Variants in MSH3 observed in about 807,000 individuals in gnomAD.
The protein encoded by MSH3 is DNA mismatch repair protein Msh3.
In MSH3, 106 loss-of-function variants were observed where a neutral mutation model predicts 123.3. That is an observed-to-expected ratio of 0.86 (90% CI 0.73 to 1.01). The LOEUF (loss-of-function observed/expected upper bound fraction) is 1.01. Among genes scored for constraint, MSH3 ranks in the 50% least tolerant of loss-of-function variants. MSH3 has a pLI of 0.00. For synonymous variants in MSH3, 515 were observed against 481.4 expected (o/e 1.07, Z -0.91); for missense variants, 1,459 against 1,347.6 (o/e 1.08, Z -1.29).
intron 2 of MSH3, among the ~76,000 whole-genome samples, chr5:80,657,662 A>T (rs920420261): frequency 2.7e-5 from 4 of 145,938 alleles, no homozygotes. Context: ...AAAAAAAAAA[A>T]GTTCCAATTC....
At chr5:80,855,991 C>T (rs947884244) in intron 21 of MSH3, 1 of 149,464 alleles carries the variant, frequency 6.7e-6, no homozygotes, top group Non-Finnish European at 1.5e-5. Flanking sequence ...CCCAGGTGAT[C>T]CTTCCACTTC....
intron 19 of MSH3, among the ~76,000 whole-genome samples, chr5:80,800,200 G>A (rs1296104100): frequency 6.6e-6 from 1 of 152,182 alleles, no homozygotes; most frequent in Non-Finnish European, 1.5e-5. Flanking sequence ...TTGTTATCCA[G>A]CAACATAGTC....
At chr5:80,664,957 T>G (rs1749532607) in intron 2 of MSH3, among the ~76,000 whole-genome samples, 186 bp from the exon 3 acceptor site, 1 of 152,214 alleles carries the variant, frequency 6.6e-6, no homozygotes. Context: ...AAATTGCATC[T>G]GTGTTTAATA....
At chr5:80,874,326 C>G (rs1165306576) in intron 23 of MSH3, among the ~76,000 whole-genome samples, 2 of 152,220 alleles carry the variant, frequency 1.3e-5, no homozygotes, top group South Asian at 2.1e-4. Context: ...CTTCGGTATA[C>G]TGTAGTTCAC....
At chr5:80,673,396 G>T (rs1033243531) in intron 6 of MSH3, among the ~76,000 whole-genome samples, 16 of 152,254 alleles carry the variant, frequency 1.1e-4, no homozygotes, top group Non-Finnish European at 2.1e-4. Context: ...GGGCATGTTG[G>T]CACTTGCCCG....
At chr5:80,785,640 G>A (rs1374381040) in intron 17 of MSH3, among the ~76,000 whole-genome samples, 1 of 151,976 alleles carries the variant, frequency 6.6e-6, no homozygotes, top group Non-Finnish European at 1.5e-5. Context: ...CCCATTACTG[G>A]GTATATACCC....
chr5:80,772,944 T>C (rs369489254), intron 15 of MSH3, among the ~76,000 whole-genome samples: 15 of 152,288 alleles, frequency 9.8e-5, no homozygotes, highest in Admixed American at 5.9e-4. Context: ...TTCCTGACTC[T>C]CGCTGTTTTC....
chr5:80,686,836 T>C (rs771779545), intron 8 of MSH3, among the ~76,000 whole-genome samples: 27 of 152,194 alleles, frequency 1.8e-4, no homozygotes, highest in Non-Finnish European at 2.5e-4. Flanking sequence ...TGGTTAATAA[T>C]ATTTTATTAA....
At chr5:80,733,202 CAG>C (rs1743441457) in intron 10 of MSH3, among the ~76,000 whole-genome samples, 1 of 152,060 alleles carries the variant, frequency 6.6e-6, no homozygotes, top group Non-Finnish European at 1.5e-5. Context: ...TGATTACTGA[CAG>C]GGGTGTTAAG....
At chr5:80,803,597 C>T (rs1226363717) in intron 19 of MSH3, among the ~76,000 whole-genome samples, 3 of 133,880 alleles carry the variant, frequency 2.2e-5, no homozygotes, top group Admixed American at 7.6e-5. Context: ...CCCATTTGTC[C>T]ATTTTTGCTT....
At chr5:80,723,049 A>G (rs1751118480) in intron 8 of MSH3, among the ~76,000 whole-genome samples, 1 of 152,066 alleles carries the variant, frequency 6.6e-6, no homozygotes, top group Admixed American at 6.6e-5. Flanking sequence ...ATGATGCTGC[A>G]ATGAGCCCTG....
chr5:80,682,742 T>G (rs1749999527), intron 8 of MSH3, among the ~76,000 whole-genome samples: 1 of 152,238 alleles, frequency 6.6e-6, no homozygotes, highest in Non-Finnish European at 1.5e-5. Flanking sequence ...AATTATACTC[T>G]TTTAGTTATT....
intron 13 of MSH3, among the ~76,000 whole-genome samples, chr5:80,764,516 AT>A (rs575667262): frequency 3.9e-3 from 497 of 128,718 alleles, no homozygotes; most frequent in Middle Eastern, 0.012. Context: ...ATGCCCAGCT[AT>A]TTTTTTTTTT....
At chr5:80,765,776 T>A (rs1390144071) in intron 13 of MSH3, among the ~76,000 whole-genome samples, 2 of 152,204 alleles carry the variant, frequency 1.3e-5, no homozygotes, top group African/African-American at 2.4e-5. Context: ...ATATTCCATG[T>A]CTTCCTCTTC....
At chr5:80,786,390 A>C (rs1744509702) in intron 17 of MSH3, among the ~76,000 whole-genome samples, 1 of 152,178 alleles carries the variant, frequency 6.6e-6, no homozygotes, top group South Asian at 2.1e-4. Flanking sequence ...GGTTGTTGTA[A>C]AGAATATGTA....
chr5:80,718,503 T>G (rs926887615), intron 8 of MSH3, among the ~76,000 whole-genome samples: 8 of 151,446 alleles, frequency 5.3e-5, no homozygotes, highest in African/African-American at 1.5e-4. Context: ...TGGTTTTTTT[T>G]TTTTTTTTTT....
intron 16 of MSH3, 28 bp downstream of exon 16, chr5:80,775,786 C>A (rs751229334): frequency 7.8e-7 from 1 of 1,283,566 alleles, no homozygotes; most frequent in Admixed American, 1.7e-5. Flanking sequence ...TTTTTTCTTA[C>A]AATGCATTAT....
chr5:80,783,918 G>A (rs1374892668), intron 17 of MSH3, among the ~76,000 whole-genome samples: 1 of 152,064 alleles, frequency 6.6e-6, no homozygotes, highest in Non-Finnish European at 1.5e-5. Context: ...CAGATCTAAA[G>A]TCAGAGCCAT....
chr5:80,714,145 T>TC (rs1223186693), intron 8 of MSH3, among the ~76,000 whole-genome samples: 1 of 143,988 alleles, frequency 6.9e-6, no homozygotes, highest in Non-Finnish European at 1.5e-5. Context: ...TTTTTTTTTT[T>TC]TTTTTTTTGA....
Sources: allele counts gnomAD v4.1 joint callset (sites outside exome capture counted in the v4.1 genomes callset), GRCh38; gene constraint gnomAD v4.1.1; transcripts MANE v1.5; gene names NCBI Gene and HGNC (gene_info 2026-07-23, HGNC 2026-07-21).